Variants in PTPRE observed in about 807,000 individuals in gnomAD.
PTPRE encodes the protein receptor-type tyrosine-protein phosphatase epsilon.
PTPRE carries 51 observed loss-of-function variants against 102.0 expected under a neutral mutation model. That is an observed-to-expected ratio of 0.50 (90% CI 0.40 to 0.63). The LOEUF (loss-of-function observed/expected upper bound fraction) is 0.63, where lower values mean the gene tolerates loss of function less well. Ranked by LOEUF, PTPRE falls within the 30% of genes least tolerant of loss-of-function variation. The pLI is 0.00. For synonymous variants in PTPRE, 345 were observed against 348.2 expected, an observed-to-expected ratio of 0.99 and a Z score of 0.10; for missense variants, 752 against 915.1, an observed-to-expected ratio of 0.82 and a Z score of 2.30.
intron 2 of PTPRE, among the ~76,000 whole-genome samples, chr10:128,036,042 GGAGA>G (rs1376682198): frequency 6.6e-6 from 1 of 152,130 alleles, no homozygotes; most frequent in Non-Finnish European, 1.5e-5. Flanking sequence ...TAAAGGGTGA[GGAGA>G]GAGAGGGGAC....
chr10:128,067,100 ACACGCACACAACCG>A (rs1850213621), intron 11 of PTPRE, among the ~76,000 whole-genome samples: 1 of 151,816 alleles, frequency 6.6e-6, no homozygotes, highest in African/African-American at 2.4e-5. Context: ...ACATGCACAC[ACACGCACACAACCG>A]TACAATGCAT....
At chr10:128,076,892 G>A (rs1416928213) in intron 18 of PTPRE, among the ~76,000 whole-genome samples, 164 bp downstream of exon 18, 1 of 152,122 alleles carries the variant, frequency 6.6e-6, no homozygotes, top group African/African-American at 2.4e-5. Context: ...ACAGTGGCAG[G>A]CCTCCTGTAC....
rs111914737 is a variant in PTPRE at position 128,076,884 on chromosome 10, A to G, written c.1725+156A>G. ...TGAATGGCCAATGGGTTTCAGAGAC[A>G]GTGGCAGGCCTCCTGTACAATTCCC... On this transcript the variant is annotated intron_variant, in intron 18 of 20. Transcript: ENST00000254667. Among the ~76,000 whole-genome samples the G allele has an allele frequency of 7.7e-3, 1,166 of 152,308 alleles. 17 individuals carry two copies. Among genetic ancestry groups the G allele is most frequent in the African/African-American group, 0.025 (1,033 of 41,566 alleles).
At chr10:127,954,213 C>A (rs1049286031) in intron 1 of PTPRE, among the ~76,000 whole-genome samples, 3 of 152,160 alleles carry the variant, frequency 2.0e-5, no homozygotes, top group African/African-American at 7.2e-5. Flanking sequence ...TTCATGGGCT[C>A]AACAACATGG....
At chr10:128,044,141 A>G (rs1431152127) in intron 3 of PTPRE, among the ~76,000 whole-genome samples, 2 of 152,318 alleles carry the variant, frequency 1.3e-5, no homozygotes, top group South Asian at 4.1e-4. Context: ...TTGAAATCTT[A>G]ATTATGTTTA....
At chr10:128,046,835 T>C (rs919907972) in intron 3 of PTPRE, among the ~76,000 whole-genome samples, 2 of 152,144 alleles carry the variant, frequency 1.3e-5, no homozygotes, top group African/African-American at 2.4e-5. Context: ...AAGGACACAG[T>C]AAGAGGCCGG....
chr10:128,015,818 A>G (rs1001647822), intron 2 of PTPRE, among the ~76,000 whole-genome samples: 3 of 152,182 alleles, frequency 2.0e-5, no homozygotes, highest in Non-Finnish European at 4.4e-5. Flanking sequence ...CTCTAAAACT[A>G]ATAAATAAAA....
chr10:127,987,851 A>G (rs1167464756), intron 2 of PTPRE, among the ~76,000 whole-genome samples: 1 of 152,218 alleles, frequency 6.6e-6, no homozygotes, highest in African/African-American at 2.4e-5. Flanking sequence ...TGGCATTTTA[A>G]TTAAGTGACA....
At chr10:127,929,632 G>A (rs570911393) in intron 1 of PTPRE, 4 of 152,332 alleles carry the variant, frequency 2.6e-5, no homozygotes, top group East Asian at 1.9e-4. Flanking sequence ...AGGCTGCAGC[G>A]GGTGGGTTCT....
At chr10:127,923,195 G>A (rs1200754486) in intron 1 of PTPRE, among the ~76,000 whole-genome samples, 1 of 152,172 alleles carries the variant, frequency 6.6e-6, no homozygotes, top group East Asian at 1.9e-4. Flanking sequence ...TTTTCTCCCT[G>A]TTGTTGCCCA....
At chr10:128,078,014 C>T (rs1851378446) in intron 19 of PTPRE, among the ~76,000 whole-genome samples, 1 of 152,212 alleles carries the variant, frequency 6.6e-6, no homozygotes, top group African/African-American at 2.4e-5. Flanking sequence ...ATGCAGAATG[C>T]ACTTCAGAGG....
chr10:127,991,506 C>A (rs1416429793), intron 2 of PTPRE, among the ~76,000 whole-genome samples: 1 of 152,172 alleles, frequency 6.6e-6, no homozygotes, highest in Admixed American at 6.5e-5. Context: ...GCTCTTAAGA[C>A]ACGGCAAGCA....
intron 2 of PTPRE, among the ~76,000 whole-genome samples, chr10:127,989,018 A>G (rs1852377260): frequency 6.6e-6 from 1 of 152,178 alleles, no homozygotes; most frequent in African/African-American, 2.4e-5. Flanking sequence ...ATTTGTGTTT[A>G]TTTTATGATG....
chr10:128,037,957 A>ATTT (rs34089996), intron 2 of PTPRE, among the ~76,000 whole-genome samples: 2 of 115,952 alleles, frequency 1.7e-5, no homozygotes, highest in Non-Finnish European at 1.7e-5. Flanking sequence ...TGTCCGGCTA[A>ATTT]TTTTTTTTTT....
chr10:127,945,273 G>GCATACAT (rs1848545493), intron 1 of PTPRE, among the ~76,000 whole-genome samples: 1 of 152,204 alleles, frequency 6.6e-6, no homozygotes, highest in African/African-American at 2.4e-5. Flanking sequence ...ATTCATACAT[G>GCATACAT]GGGGTGAGAG....
intron 1 of PTPRE, among the ~76,000 whole-genome samples, chr10:127,927,548 T>C (rs1457397590): frequency 6.6e-6 from 1 of 152,172 alleles, no homozygotes; most frequent in Admixed American, 6.5e-5. Context: ...GTAGTAGAGC[T>C]GGGATCAAGC....
chr10:128,027,147 G>T (rs746787265), intron 2 of PTPRE, among the ~76,000 whole-genome samples: 2 of 152,232 alleles, frequency 1.3e-5, no homozygotes, highest in African/African-American at 2.4e-5. Context: ...ATGAGGTGAC[G>T]CTTAGGTTAG....
chr10:127,948,997 C>T (rs139935167), intron 1 of PTPRE, among the ~76,000 whole-genome samples: 3 of 152,288 alleles, frequency 2.0e-5, no homozygotes, highest in African/African-American at 7.2e-5. Context: ...TGGGATACAC[C>T]CTGCCTCTCC....
intron 2 of PTPRE, among the ~76,000 whole-genome samples, chr10:128,014,430 G>T (rs569197696): frequency 4.3e-4 from 65 of 152,224 alleles, no homozygotes; most frequent in Non-Finnish European, 7.1e-4. Context: ...CCTTCAAACG[G>T]CGTGTATCGA....
Sources: allele counts gnomAD v4.1 joint callset (sites outside exome capture counted in the v4.1 genomes callset), GRCh38; gene constraint gnomAD v4.1.1; transcripts MANE v1.5; gene names NCBI Gene and HGNC (gene_info 2026-07-23, HGNC 2026-07-21).